ATP2A2: variants seen among roughly 807,000 people sequenced by gnomAD.
The protein encoded by ATP2A2 is sarcoplasmic/endoplasmic reticulum calcium ATPase 2.
ATP2A2 carries 14 observed loss-of-function variants against 109.3 expected under a neutral mutation model. The observed-to-expected ratio is 0.13, with a 90% confidence interval of 0.08 to 0.20. The LOEUF is 0.20. ATP2A2 is among the 10% of genes least tolerant of loss of function. The pLI, the probability that ATP2A2 is intolerant of heterozygous loss-of-function variation, is 1.00. For synonymous variants in ATP2A2, 506 were observed against 490.9 expected, an observed-to-expected ratio of 1.03 and a Z score of -0.41; for missense variants, 657 against 1,321.6, an observed-to-expected ratio of 0.50 and a Z score of 7.80.
intron 5 of ATP2A2, among the ~76,000 whole-genome samples, chr12:110,313,511 C>T (rs1448632344): frequency 1.3e-5 from 2 of 151,458 alleles, no homozygotes; most frequent in African/African-American, 4.9e-5. Context: ...GATGGGGTTT[C>T]ACCATGTTAG....
At position 110,281,702 on chromosome 12, in the gene ATP2A2, G is replaced by C; in HGVS notation, c.-88G>C. The C allele has an allele frequency of 2.2e-6, 2 of 925,124 alleles. No individual in the cohort carries two copies. The highest frequency in any genetic ancestry group is 3.0e-6 in the Non-Finnish European group (2 of 672,122). 57.3% of individuals were successfully genotyped at this position (925,124 alleles called of 1,614,324 possible). ...AGAGCCCGTCCGCGCCTGGGCTCCC[G>C]GGGTGGCACGAGCCCGCGGCCGGAG... On this transcript the variant is annotated 5_prime_UTR_variant, in exon 1 of 20. Coordinates refer to ENST00000539276, the MANE Select transcript of ATP2A2 (RefSeq NM_170665.4).
rs1191417949 is a variant in ATP2A2 at position 110,342,334 on chromosome 12, C to A, written c.2204C>A (p.Ala735Glu). The change falls in exon 15 of 20, where the codon GCG becomes GAG. Residue 735 changes from alanine to glutamate, a missense_variant. Ala to Glu is a moderately radical substitution (Grantham distance 107). Around this residue, in one of 9 missense-constraint regions of ATP2A2, gnomAD observed 50 missense variants for 176.9 expected, o/e 0.28. Coordinates refer to ENST00000539276, the MANE Select transcript of ATP2A2 (RefSeq NM_170665.4). This position sits in a 1 kb window ranked among gnomAD's most constrained non-coding sequence, Gnocchi z 4.6. ...VAKTASEMVL[A>E]DDNFSTIVAA... Reference sequence around the variant, plus strand: ...AAAACCGCCTCTGAGATGGTCCTGGCGGATGACAACTTCTCCACCATTGTG... The same window carrying A: ...AAAACCGCCTCTGAGATGGTCCTGGAGGATGACAACTTCTCCACCATTGTG... 19 of 1,614,080 alleles carry A rather than the reference C, an allele frequency of 1.2e-5. No homozygotes were observed. The highest frequency in any genetic ancestry group is 1.3e-5 in the African/African-American group (1 of 74,934).
intron 5 of ATP2A2, among the ~76,000 whole-genome samples, chr12:110,297,601 G>A (rs957576774): frequency 4.6e-5 from 7 of 151,810 alleles, no homozygotes; most frequent in Non-Finnish European, 1.0e-4. Flanking sequence ...CTGTAGATTA[G>A]TGCTGTTTTT....
Position 110,293,385 on chromosome 12 carries a change from TTTTG to T in ATP2A2, c.324+1285_324+1288del, listed in dbSNP as rs1223120062. On this transcript the variant is annotated intron_variant, in intron 4 of 19. Coordinates refer to ENST00000539276, the MANE Select transcript of ATP2A2 (RefSeq NM_170665.4). ...TCCCGGCCTTTTTTTTTTTTTTTTT[TTTTG>T]TTTGTTTGTTTGTTTGTTTGTTTTG... Among the ~76,000 whole-genome samples the T allele has an allele frequency of 3.9e-3, 445 of 114,132 alleles. 5 individuals are homozygous for T. Among genetic ancestry groups the T allele is most frequent in the East Asian group, 6.9e-3 (28 of 4,042 alleles). 74.9% of individuals were successfully genotyped at this position (114,132 alleles called of 152,430 possible).
intron 5 of ATP2A2, among the ~76,000 whole-genome samples, chr12:110,320,962 C>T (rs961958050): frequency 1.3e-5 from 2 of 152,232 alleles, no homozygotes; most frequent in East Asian, 3.8e-4. Flanking sequence ...GGTGCAGTGG[C>T]TCACGCCTGT....
At chr12:110,319,300 G>T (rs1247838226) in intron 5 of ATP2A2, among the ~76,000 whole-genome samples, 1 of 148,050 alleles carries the variant, frequency 6.8e-6, no homozygotes. Context: ...TAAAGAATCT[G>T]TAAAAGATCT....
chr12:110,332,375 T>C (rs1371537526), intron 8 of ATP2A2: 1 of 553,664 alleles, frequency 1.8e-6, no homozygotes, highest in African/African-American at 1.9e-5. Flanking sequence ...TACTGTTCGA[T>C]TGGTCGGGGG....
At chr12:110,320,862 A>G (rs1237605229) in intron 5 of ATP2A2, among the ~76,000 whole-genome samples, 2 of 152,242 alleles carry the variant, frequency 1.3e-5, no homozygotes, top group Non-Finnish European at 1.5e-5. Context: ...CTCAAATTAA[A>G]AAAGTAAACC....
chr12:110,343,535 C>T (rs1036943892), intron 16 of ATP2A2, 101 bp downstream of exon 16: 23 of 1,344,328 alleles, frequency 1.7e-5, no homozygotes, highest in Admixed American at 3.7e-5. Context: ...CTTCTATCCC[C>T]GTATAGGGTA....
chr12:110,322,094 C>A (rs1422748894), intron 5 of ATP2A2, among the ~76,000 whole-genome samples: 1 of 151,530 alleles, frequency 6.6e-6, no homozygotes, highest in Non-Finnish European at 1.5e-5. Context: ...GGGTTCACGC[C>A]ATTCTCCTGC....
intron 5 of ATP2A2, among the ~76,000 whole-genome samples, chr12:110,305,524 T>C (rs752295661): frequency 5.3e-5 from 8 of 152,228 alleles, no homozygotes; most frequent in Non-Finnish European, 2.9e-5. Context: ...CTTCACTAAT[T>C]TGTCCTGCAA....
chr12:110,348,360 C>G lies in ATP2A2; in HGVS notation c.*1890C>G, dbSNP rs1325392777. ...TAGTAGGACGTGGCTCTGCACAGCC[C>G]AAAAACCAGCTTACTCCTTAGCCAG... On this transcript the variant is annotated 3_prime_UTR_variant, in exon 20 of 20. Transcript: ENST00000539276. 7 of 985,230 alleles carry G rather than the reference C, an allele frequency of 7.1e-6. No individual in the cohort carries two copies. The South Asian group carries it at 2.3e-4, about 33-fold the overall frequency. 61.0% of individuals were successfully genotyped at this position (985,230 alleles called of 1,614,324 possible).
intron 18 of ATP2A2, chr12:110,345,715 C>A (rs2137873177): frequency 1.7e-6 from 1 of 573,914 alleles, no homozygotes; most frequent in South Asian, 2.0e-5. Flanking sequence ...AAGCCCGTGA[C>A]AAAAATGGAA....
At chr12:110,316,558 CAG>C (rs1353918345) in intron 5 of ATP2A2, among the ~76,000 whole-genome samples, 1 of 152,164 alleles carries the variant, frequency 6.6e-6, no homozygotes, top group Non-Finnish European at 1.5e-5. Context: ...TATTCATTGA[CAG>C]ATATTTTATT....
intron 5 of ATP2A2, among the ~76,000 whole-genome samples, chr12:110,313,944 C>A (rs1876384141): frequency 6.6e-6 from 1 of 151,336 alleles, no homozygotes; most frequent in Non-Finnish European, 1.5e-5. Flanking sequence ...GAACTCCTGA[C>A]CTCAAGAGAT....
At chr12:110,345,975 T>C (rs1477874160) in intron 18 of ATP2A2, 26 bp from the exon 19 acceptor site, 1 of 1,611,940 alleles carries the variant, frequency 6.2e-7, no homozygotes, top group East Asian at 2.2e-5. Flanking sequence ...TGGGGGTGCG[T>C]TTCCCCACCT....
intron 10 of ATP2A2, 43 bp from the exon 11 acceptor site, chr12:110,333,969 A>G (rs1402506307): frequency 6.2e-7 from 1 of 1,613,384 alleles, no homozygotes; most frequent in Admixed American, 1.7e-5. Flanking sequence ...TTATCTGTGT[A>G]CTTCTCCCTT....
At chr12:110,313,575 A>T (rs1404321173) in intron 5 of ATP2A2, among the ~76,000 whole-genome samples, 1 of 150,182 alleles carries the variant, frequency 6.7e-6, no homozygotes, top group East Asian at 2.0e-4. Flanking sequence ...TTGGCCTCCC[A>T]AAGTGCTGGG....
In ATP2A2 at chr12:110,348,498, C is replaced by G; in HGVS notation, c.*2028C>G. ...TTGGGGAGGGTTAGGAGGCATCAAG[C>G]AGGACAAGGTGCTGCTGAGTTCAGA... On this transcript the variant is annotated 3_prime_UTR_variant, in exon 20 of 20. Transcript: ENST00000539276. 3.0e-6 allele frequency: 3 copies of G among 985,430 alleles called. No individual in the cohort carries two copies. The highest frequency in any genetic ancestry group is 3.6e-6 in the Non-Finnish European group (3 of 829,992). The allele number at this position is 985,430 out of a possible 1,614,324, so 61.0% of individuals were successfully genotyped here. A position where few individuals can be genotyped will look rare whatever the true frequency, so the allele number is the denominator to read the frequency against.
Sources: allele counts gnomAD v4.1 joint callset (sites outside exome capture counted in the v4.1 genomes callset), GRCh38; gene constraint gnomAD v4.1.1; regional missense constraint gnomAD v4.1.1; non-coding constraint Gnocchi (gnomAD v3.1); transcripts MANE v1.5; gene names NCBI Gene and HGNC (gene_info 2026-07-23, HGNC 2026-07-21).